The following MET variants were observed in gnomAD, a reference collection of about 807,000 sequenced individuals.
MET encodes the protein hepatocyte growth factor receptor.
Under a neutral mutation model 133.1 loss-of-function variants are expected in MET, and 48 were observed. That is an observed-to-expected ratio of 0.36 (90% CI 0.29 to 0.46). The LOEUF (loss-of-function observed/expected upper bound fraction) is 0.46. MET is among the 20% of genes least tolerant of loss of function. MET has a pLI of 1.00. For synonymous variants in MET, 628 were observed against 616.5 expected, an observed-to-expected ratio of 1.02 and a Z score of -0.28; for missense variants, 1,442 against 1,695.9, an observed-to-expected ratio of 0.85 and a Z score of 2.63.
At chr7:116,734,677 C>T (rs1031954191) in intron 3 of MET, among the ~76,000 whole-genome samples, 2 of 152,178 alleles carry the variant, frequency 1.3e-5, no homozygotes, top group African/African-American at 4.8e-5. Flanking sequence ...CATGATCACT[C>T]TCTTGGGATA....
At chr7:116,686,141 C>T (rs769062753) in intron 1 of MET, among the ~76,000 whole-genome samples, 7 of 152,098 alleles carry the variant, frequency 4.6e-5, no homozygotes, top group Admixed American at 1.3e-4. Context: ...TTGTTCAACA[C>T]CCTGCAATGA....
intron 5 of MET, among the ~76,000 whole-genome samples, chr7:116,748,893 A>G (rs1052161955): frequency 2.0e-5 from 3 of 152,228 alleles, no homozygotes; most frequent in African/African-American, 7.2e-5. Flanking sequence ...CAGCCTCCCA[A>G]GACTAAACTA....
At chr7:116,737,575 A>C (rs1793267158) in intron 3 of MET, among the ~76,000 whole-genome samples, 1 of 152,148 alleles carries the variant, frequency 6.6e-6, no homozygotes, top group Non-Finnish European at 1.5e-5. Context: ...CTGAAATTCT[A>C]TGTTGTATTT....
intron 19 of MET, among the ~76,000 whole-genome samples, chr7:116,783,972 A>C (rs931839052): frequency 1.3e-5 from 2 of 152,238 alleles, no homozygotes; most frequent in Non-Finnish European, 2.9e-5. Flanking sequence ...CTCAAAAGGC[A>C]TGCACCTGAG....
chr7:116,746,254 G>A (rs1793676582), intron 5 of MET, among the ~76,000 whole-genome samples: 1 of 152,192 alleles, frequency 6.6e-6, no homozygotes, highest in South Asian at 2.1e-4. Context: ...CAGTTAGAAT[G>A]GCAATCATTA....
At chr7:116,781,926 T>C in intron 17 of MET, 62 bp from the exon 18 acceptor site, 2 of 1,054,974 alleles carry the variant, frequency 1.9e-6, no homozygotes, top group South Asian at 1.3e-5. Context: ...TTCAGAATTC[T>C]AAGGTCAAAA....
intron 1 of MET, among the ~76,000 whole-genome samples, chr7:116,692,980 A>C (rs1441630311): frequency 6.6e-6 from 1 of 152,346 alleles, no homozygotes; most frequent in African/African-American, 2.4e-5. Flanking sequence ...TCTATATTGA[A>C]AGCCTGATCC....
rs1197127761 is a variant in MET, at chr7:116,739,987, T to A, written c.1430T>A (p.Val477Glu). The change falls in exon 4 of 21, where the codon GTG becomes GAG. Residue 477 changes from valine (V) to glutamate (E), a missense_variant. Val to Glu is a moderately radical substitution (Grantham distance 121). This residue lies in a region of MET where 762 missense variants were observed against 792.4 expected (regional missense o/e 0.96). Coordinates refer to ENST00000397752, the MANE Select transcript of MET (RefSeq NM_000245.4). ...VSRSGPSTPH[V>E]NFLLDSHPVS... ...CGATCAGGACCATCAACCCCTCATG[T>A]GAATTTTCTCCTGGACTCCCATCCA... 1.2e-6 allele frequency: 2 copies of A among 1,614,178 alleles called. No individual in the cohort carries two copies. Among genetic ancestry groups the A allele is most frequent in the Admixed American group, 3.3e-5 (2 of 60,014 alleles).
At chr7:116,793,346 TG>T (rs1445711582) in intron 19 of MET, among the ~76,000 whole-genome samples, 1 of 151,982 alleles carries the variant, frequency 6.6e-6, no homozygotes, top group Non-Finnish European at 1.5e-5. Flanking sequence ...GGCTAATTTT[TG>T]TATTTTTAGT....
chr7:116,691,660 A>G (rs947646118), intron 1 of MET, among the ~76,000 whole-genome samples: 1 of 152,198 alleles, frequency 6.6e-6, no homozygotes, highest in Non-Finnish European at 1.5e-5. Context: ...CTCTTGGGTC[A>G]GTTTCATGCT....
intron 2 of MET, among the ~76,000 whole-genome samples, chr7:116,707,199 A>C (rs1791829802): frequency 6.6e-6 from 1 of 152,090 alleles, no homozygotes; most frequent in African/African-American, 2.4e-5. Context: ...TAGCAATTGC[A>C]TGCTAATTTA....
intron 2 of MET, among the ~76,000 whole-genome samples, chr7:116,700,869 T>A (rs984974349): frequency 3.3e-5 from 5 of 152,228 alleles, no homozygotes; most frequent in African/African-American, 1.2e-4. Context: ...GCTCGTATAC[T>A]TCTCTAAATA....
chr7:116,682,148 T>G (rs1796384166), intron 1 of MET, among the ~76,000 whole-genome samples: 1 of 152,328 alleles, frequency 6.6e-6, no homozygotes, highest in South Asian at 2.1e-4. Flanking sequence ...AAAAAAAAAT[T>G]GTTCTTTAAA....
chr7:116,701,570 C>T (rs1385889225), intron 2 of MET, among the ~76,000 whole-genome samples: 1 of 152,114 alleles, frequency 6.6e-6, no homozygotes, highest in Non-Finnish European at 1.5e-5. Context: ...AAACTTCCTT[C>T]CTCTCTCTTC....
At chr7:116,767,797 G>A (rs954668667) in intron 11 of MET, among the ~76,000 whole-genome samples, 2 of 150,304 alleles carry the variant, frequency 1.3e-5, no homozygotes, top group African/African-American at 4.9e-5. Flanking sequence ...CTAAATATAA[G>A]TTTTTTAGCA....
At chr7:116,681,378 C>T (rs1187788796) in intron 1 of MET, among the ~76,000 whole-genome samples, 1 of 152,172 alleles carries the variant, frequency 6.6e-6, no homozygotes, top group Non-Finnish European at 1.5e-5. Context: ...ATATCTAGCT[C>T]ATTATAATCT....
intron 9 of MET, among the ~76,000 whole-genome samples, chr7:116,758,880 G>A (rs531898234): frequency 3.3e-5 from 5 of 152,234 alleles, no homozygotes; most frequent in Non-Finnish European, 5.9e-5. Context: ...GTTTAATGTG[G>A]CATTGTAGTA....
At chr7:116,794,085 T>C (rs1303181366) in intron 19 of MET, among the ~76,000 whole-genome samples, 4 of 151,798 alleles carry the variant, frequency 2.6e-5, no homozygotes, top group Non-Finnish European at 5.9e-5. Context: ...TATTATCTCT[T>C]TGACTTTTGG....
rs769247886 is a variant in MET, at chr7:116,763,036, G to T, written c.2365-14G>T. On this transcript the variant is annotated splice_polypyrimidine_tract_variant and intron_variant, in intron 10 of 20. Transcript: ENST00000397752. ...TGTATTCTGTTTACAGTGGATAATTGTGTCTTTCTCTAGGCATGTCAACAT... is the reference window on the plus strand; with the variant it reads ...TGTATTCTGTTTACAGTGGATAATTTTGTCTTTCTCTAGGCATGTCAACAT... 50 of 1,606,280 alleles carry T rather than the reference G, an allele frequency of 3.1e-5. No individual in the cohort carries two copies. The Admixed American group carries it at 3.7e-4, about 12-fold the overall frequency.
Sources: gnomAD v4.1 joint callset for allele counts (sites outside exome capture counted in the v4.1 genomes callset) on GRCh38, gnomAD v4.1.1 for gene constraint, gnomAD v4.1.1 regional missense constraint, MANE v1.5 for transcripts, NCBI Gene and HGNC (gene_info 2026-07-23, HGNC 2026-07-21) for gene names.